COL5A2: variants seen among roughly 807,000 people sequenced by gnomAD.
COL5A2 encodes the protein collagen alpha-2(V) chain.
COL5A2 carries 23 observed loss-of-function variants against 208.2 expected under a neutral mutation model. The observed-to-expected ratio is 0.11, with a 90% CI of 0.08 to 0.16. The LOEUF (loss-of-function observed/expected upper bound fraction) is 0.16, where lower values mean the gene tolerates loss of function less well. Ranked by LOEUF, COL5A2 falls within the 10% of genes least tolerant of loss-of-function variation. The probability of loss-of-function intolerance (pLI) is 1.00; values close to 1 mark genes in which losing one functional copy is unlikely to be tolerated. For missense variants in COL5A2, 1,590 were observed against 1,956.4 expected, an observed-to-expected ratio of 0.81 and a Z score of 3.53; for synonymous variants, 625 against 628.5, an observed-to-expected ratio of 0.99 and a Z score of 0.08.
At chr2:189,093,838 T>C (rs1461511808) in intron 6 of COL5A2, among the ~76,000 whole-genome samples, 2 of 152,202 alleles carry the variant, frequency 1.3e-5, no homozygotes, top group Non-Finnish European at 2.9e-5. Flanking sequence ...ATGAACTGGA[T>C]ATGTATATGA....
chr2:189,438,844 C>T, the COL5A2 span, among the ~76,000 whole-genome samples: 16 of 152,262 alleles, frequency 1.1e-4, no homozygotes, highest in South Asian at 2.7e-3. Context: ...AACACAAAGG[C>T]TACACTGTCT....
At chr2:189,217,539 C>T (rs1337366259) in intron 1 of COL5A2, among the ~76,000 whole-genome samples, 1 of 152,090 alleles carries the variant, frequency 6.6e-6, no homozygotes, top group East Asian at 1.9e-4. Flanking sequence ...GTCCATTACA[C>T]ACATACATTA....
intron 1 of COL5A2, among the ~76,000 whole-genome samples, chr2:189,177,610 A>G (rs73980172): frequency 2.7e-4 from 41 of 152,260 alleles, no homozygotes; most frequent in African/African-American, 9.9e-4. Context: ...GCAATTACAC[A>G]TTCTGTAAAA....
In COL5A2 at chr2:189,054,211, C is replaced by A; in HGVS notation, c.2393G>T (p.Gly798Val). The change falls in exon 36 of 54, where the codon GGT becomes GTT. Residue 798 changes from glycine (G) to valine (V), a missense_variant and splice_region_variant. By Grantham distance (109) the Gly-to-Val change is moderately radical. Coordinates refer to ENST00000374866, the MANE Select transcript of COL5A2 (RefSeq NM_000393.5). ...EGTAGNDGARGLPGPLGPPGP... is the reference protein window; with the variant it reads ...EGTAGNDGARVLPGPLGPPGP... Reference sequence around the variant, plus strand: ...TGGAGGGCCCAAAGGACCTGGAAGACCCTGTCAATTAACAGAACATAGGCA... The same window carrying A: ...TGGAGGGCCCAAAGGACCTGGAAGAACCTGTCAATTAACAGAACATAGGCA... 6.2e-7 allele frequency: 1 copy of A among 1,613,486 alleles called. No individual in the cohort carries two copies. Among genetic ancestry groups the A allele is most frequent in the Non-Finnish European group, 8.5e-7 (1 of 1,179,416 alleles).
chr2:189,100,632 G>A (rs1172973958), intron 3 of COL5A2, among the ~76,000 whole-genome samples: 1 of 151,554 alleles, frequency 6.6e-6, no homozygotes, highest in Non-Finnish European at 1.5e-5. Flanking sequence ...CCCTTTTTTA[G>A]TACTCATGGA....
chr2:189,322,082 G>A, the COL5A2 span, among the ~76,000 whole-genome samples: 23 of 152,292 alleles, frequency 1.5e-4, 1 homozygote, highest in South Asian at 4.6e-3. Context: ...TGACTACTGC[G>A]TACATAACGA....
At chr2:189,082,890 A>G (rs1317421059) in intron 12 of COL5A2, among the ~76,000 whole-genome samples, 1 of 152,208 alleles carries the variant, frequency 6.6e-6, no homozygotes, top group Non-Finnish European at 1.5e-5. Context: ...GTCTGCATTT[A>G]TTTCCCAGGC....
chr2:189,357,271 G>A, the COL5A2 span, among the ~76,000 whole-genome samples: 1 of 152,202 alleles, frequency 6.6e-6, no homozygotes, highest in Non-Finnish European at 1.5e-5. Context: ...TGTGCTGGGA[G>A]ATCCACTGCT....
chr2:189,054,671 G>A (rs1472354244), intron 35 of COL5A2, among the ~76,000 whole-genome samples: 1 of 148,582 alleles, frequency 6.7e-6, no homozygotes, highest in Non-Finnish European at 1.5e-5. Flanking sequence ...TTGTGTTAAG[G>A]CATTTTAGGT....
chr2:189,223,550 C>A (rs570524714), intron 1 of COL5A2, among the ~76,000 whole-genome samples: 14 of 152,190 alleles, frequency 9.2e-5, no homozygotes, highest in African/African-American at 2.6e-4. Context: ...TTCTTAATAG[C>A]CAAAAGCCAG....
At chr2:189,184,128 T>TA (rs1688817521), upstream of COL5A2, among the ~76,000 whole-genome samples, 2 of 152,108 alleles carry the variant, frequency 1.3e-5, no homozygotes, top group African/African-American at 4.8e-5. Flanking sequence ...AAGGTGATCT[T>TA]AGACAATTAA....
chr2:189,428,604 T>G, the COL5A2 span, among the ~76,000 whole-genome samples: 1 of 151,628 alleles, frequency 6.6e-6, no homozygotes, highest in Non-Finnish European at 1.5e-5. Context: ...AGTGACAGAG[T>G]GAGACTCCGT....
In COL5A2 at chr2:189,128,614, ACT is replaced by A. The variant is rs565700210; in HGVS notation, c.98-18167_98-18166del. Among the ~76,000 whole-genome samples the A allele has an allele frequency of 1.3e-4, 20 of 151,872 alleles. No homozygotes were observed. In the East Asian group the frequency reaches 3.5e-3, roughly 26 times the overall value. Reference sequence around the variant, plus strand: ...TGATTCCTAGGCCCTACTTCTAGTGACTCTGATTTTGTTTTGAAACTGGAAAC... The same window carrying A: ...TGATTCCTAGGCCCTACTTCTAGTGACTGATTTTGTTTTGAAACTGGAAAC... On this transcript the variant is annotated intron_variant, in intron 1 of 53. Coordinates refer to ENST00000374866, the MANE Select transcript of COL5A2 (RefSeq NM_000393.5).
At chr2:189,227,149 A>G (rs1689431498), upstream of COL5A2, among the ~76,000 whole-genome samples, 1 of 152,112 alleles carries the variant, frequency 6.6e-6, no homozygotes, top group African/African-American at 2.4e-5. Context: ...ACAAAGAGTG[A>G]GAGAGGTGGT....
the COL5A2 span, among the ~76,000 whole-genome samples, chr2:189,281,108 T>A: frequency 6.6e-6 from 1 of 152,160 alleles, no homozygotes; most frequent in Non-Finnish European, 1.5e-5. Flanking sequence ...ATTTGAATAT[T>A]CATTATATCT....
chr2:189,218,077 G>A (rs1689300743), intron 1 of COL5A2, among the ~76,000 whole-genome samples: 1 of 152,140 alleles, frequency 6.6e-6, no homozygotes, highest in African/African-American at 2.4e-5. Flanking sequence ...GTTCCTTTCT[G>A]TGATAGTCAT....
chr2:189,309,650 T>A, the COL5A2 span, among the ~76,000 whole-genome samples: 1 of 152,196 alleles, frequency 6.6e-6, no homozygotes, highest in Non-Finnish European at 1.5e-5. Flanking sequence ...CACTCCTGTT[T>A]TAAAACTTGC....
At chr2:189,298,773 C>G in the COL5A2 span, among the ~76,000 whole-genome samples, 1 of 152,150 alleles carries the variant, frequency 6.6e-6, no homozygotes, top group African/African-American at 2.4e-5. Context: ...AAAAGAATCT[C>G]CATTTCTCCC....
the COL5A2 span, among the ~76,000 whole-genome samples, chr2:189,385,911 A>C: frequency 6.6e-6 from 1 of 152,230 alleles, no homozygotes; most frequent in Non-Finnish European, 1.5e-5. Context: ...TAATTTATAA[A>C]GGAAGAGATT....
Sources: allele counts gnomAD v4.1 joint callset (sites outside exome capture counted in the v4.1 genomes callset), GRCh38; gene constraint gnomAD v4.1.1; transcripts MANE v1.5; gene names NCBI Gene and HGNC (gene_info 2026-07-23, HGNC 2026-07-21).